The following PALM2AKAP2 variants were observed in gnomAD, a reference collection of about 807,000 sequenced individuals.
The protein encoded by PALM2AKAP2 is PALM2 and AKAP2 fusion.
A neutral mutation model predicts 71.5 loss-of-function variants in PALM2AKAP2; 37 were observed. The observed-to-expected ratio is 0.52, with a 90% confidence interval of 0.40 to 0.68. The LOEUF (loss-of-function observed/expected upper bound fraction) is 0.68. Among genes scored for constraint, PALM2AKAP2 ranks in the 30% least tolerant of loss-of-function variants. The pLI is 0.00. For missense variants in PALM2AKAP2, 1,224 were observed against 1,191.8 expected (o/e 1.03, Z -0.40); for synonymous variants, 468 against 478.8 (o/e 0.98, Z 0.29).
chr9:109,827,808 GA>G (rs987634750), intron 1 of PALM2AKAP2, among the ~76,000 whole-genome samples: 3 of 151,458 alleles, frequency 2.0e-5, no homozygotes, highest in Admixed American at 1.3e-4. Flanking sequence ...CACTGCTACT[GA>G]AAAAAAACCA....
intron 1 of PALM2AKAP2, among the ~76,000 whole-genome samples, chr9:109,661,496 G>A (rs1368543872): frequency 6.6e-6 from 1 of 152,112 alleles, no homozygotes; most frequent in African/African-American, 2.4e-5. Context: ...TTATTTCTGA[G>A]GCCTCTGTTC....
chr9:109,751,702 G>A (rs1828888548), intron 1 of PALM2AKAP2, among the ~76,000 whole-genome samples: 1 of 152,148 alleles, frequency 6.6e-6, no homozygotes, highest in Admixed American at 6.6e-5. Flanking sequence ...ATCTCATAGA[G>A]CAAGATGAAG....
At chr9:110,145,766 G>GT (rs1306530162) in intron 2 of PALM2AKAP2, among the ~76,000 whole-genome samples, 1 of 124,844 alleles carries the variant, frequency 8.0e-6, no homozygotes, top group Non-Finnish European at 1.8e-5. Context: ...TTGGCAAGGG[G>GT]TGAAGGTGTG....
At chr9:110,019,544 C>T (rs1453593341) in intron 7 of PALM2AKAP2, among the ~76,000 whole-genome samples, 3 of 152,146 alleles carry the variant, frequency 2.0e-5, no homozygotes, top group Non-Finnish European at 4.4e-5. Context: ...ATGAAATTAA[C>T]CTAAGTGTTC....
chr9:109,980,579 C>G (rs936084173), intron 6 of PALM2AKAP2, among the ~76,000 whole-genome samples: 5 of 152,162 alleles, frequency 3.3e-5, no homozygotes, highest in African/African-American at 4.8e-5. Flanking sequence ...CTAGAAGGAG[C>G]CTTCTCAAAT....
chr9:110,140,610 T>C (rs1423949818), intron 2 of PALM2AKAP2, among the ~76,000 whole-genome samples: 1 of 149,732 alleles, frequency 6.7e-6, no homozygotes, highest in Middle Eastern at 3.2e-3. Flanking sequence ...TCCCTTTCCA[T>C]ATTTGTGACC....
Position 110,139,975 on chromosome 9 carries a change from G to A in PALM2AKAP2, c.2569+1436G>A, listed in dbSNP as rs992205954. Among the ~76,000 whole-genome samples, 6 of 152,198 alleles carry A rather than the reference G, an allele frequency of 3.9e-5. 1 individual carries two copies. The highest frequency in any genetic ancestry group is 1.3e-4 in the Admixed American group (2 of 15,270). On this transcript the variant is annotated intron_variant, in intron 2 of 3. Coordinates refer to ENST00000374525, the Ensembl canonical transcript of PALM2AKAP2. ...AGTTTGTCCCATTATGGTGACAGGT[G>A]TCAACTCTGATCACTTAATATTGAT...
chr9:109,932,060 G>A, intron 6 of PALM2AKAP2, 32 bp downstream of exon 6: 2 of 1,574,816 alleles, frequency 1.3e-6, no homozygotes, highest in Non-Finnish European at 1.7e-6. Context: ...ACGCTAGGAT[G>A]GTCCAAGGGG....
chr9:110,091,456 ATTC>A (rs1564299427), intron 1 of PALM2AKAP2, among the ~76,000 whole-genome samples: 1 of 67,426 alleles, frequency 1.5e-5, no homozygotes, highest in African/African-American at 6.9e-5. Flanking sequence ...TTTGAGATTT[ATTC>A]TTTTTTTTTT....
In PALM2AKAP2 at chr9:110,143,852, T is replaced by A. The variant is rs562827581; in HGVS notation, c.2569+5313T>A. On this transcript the variant is annotated intron_variant, in intron 2 of 3. Coordinates refer to ENST00000374525, the Ensembl canonical transcript of PALM2AKAP2. Reference sequence around the variant, plus strand: ...ATTAAGTTCCATAACTTGGGGTATCTGTTCATGTCTTCTAATTTGTGGAAA... The same window carrying A: ...ATTAAGTTCCATAACTTGGGGTATCAGTTCATGTCTTCTAATTTGTGGAAA... Among the ~76,000 whole-genome samples, 7 of 152,384 alleles carry A rather than the reference T, an allele frequency of 4.6e-5. No individual in the cohort carries two copies. In the East Asian group the frequency reaches 1.3e-3, roughly 29 times the overall value.
intron 7 of PALM2AKAP2, among the ~76,000 whole-genome samples, chr9:110,021,221 G>C (rs1235714174): frequency 6.6e-6 from 1 of 152,136 alleles, no homozygotes; most frequent in Non-Finnish European, 1.5e-5. Flanking sequence ...ATACACAGAA[G>C]GCCATGTAAG....
chr9:109,983,477 C>A (rs1832315540), intron 6 of PALM2AKAP2, among the ~76,000 whole-genome samples: 1 of 152,024 alleles, frequency 6.6e-6, no homozygotes. Context: ...CTTTTCCTCT[C>A]TGTCTATCTG....
intron 6 of PALM2AKAP2, among the ~76,000 whole-genome samples, chr9:109,955,433 G>C (rs1025867090): frequency 6.6e-6 from 1 of 152,168 alleles, no homozygotes; most frequent in Non-Finnish European, 1.5e-5. Flanking sequence ...ATGGTAAAAA[G>C]TTTCATTCCC....
At chr9:109,743,169 T>TA (rs1828741927) in intron 1 of PALM2AKAP2, among the ~76,000 whole-genome samples, 1 of 151,868 alleles carries the variant, frequency 6.6e-6, no homozygotes, top group Non-Finnish European at 1.5e-5. Context: ...TCCAGTAGGA[T>TA]AAAAAAAGGG....
intron 1 of PALM2AKAP2, among the ~76,000 whole-genome samples, chr9:109,657,452 T>TTTTGTGTGTGTGTGTGTGTGTGTGTG (rs112474230): frequency 3.7e-4 from 54 of 147,216 alleles, no homozygotes; most frequent in African/African-American, 1.3e-3. Context: ...AATATGGTAT[T>TTTTGTGTGTGTGTGTGTGTGTGTGTG]TGTGTGTGTG....
chr9:109,853,007 G>C (rs1196111448), intron 1 of PALM2AKAP2, among the ~76,000 whole-genome samples: 2 of 152,034 alleles, frequency 1.3e-5, no homozygotes, highest in Non-Finnish European at 2.9e-5. Context: ...GTTTCCTTTT[G>C]CTGTGCAAAA....
chr9:109,732,703 C>T (rs183192867), intron 1 of PALM2AKAP2, among the ~76,000 whole-genome samples: 33 of 152,112 alleles, frequency 2.2e-4, no homozygotes, highest in African/African-American at 6.5e-4. Context: ...CCATATAATG[C>T]GGGTAATGAT....
intron 1 of PALM2AKAP2, among the ~76,000 whole-genome samples, chr9:109,758,973 C>G (rs922108153): frequency 6.6e-6 from 1 of 152,006 alleles, no homozygotes; most frequent in Non-Finnish European, 1.5e-5. Flanking sequence ...GTGTTTCAAG[C>G]TATTTGTATT....
At chr9:109,837,109 A>T (rs1255359253) in intron 1 of PALM2AKAP2, among the ~76,000 whole-genome samples, 1 of 152,244 alleles carries the variant, frequency 6.6e-6, no homozygotes, top group African/African-American at 2.4e-5. Context: ...GAAGGAAAAA[A>T]TGTTAAGGGC....
Sources: allele counts gnomAD v4.1 joint callset (sites outside exome capture counted in the v4.1 genomes callset), GRCh38; gene constraint gnomAD v4.1.1; transcripts MANE v1.5; gene names NCBI Gene and HGNC (gene_info 2026-07-23, HGNC 2026-07-21).